The following TENM2 variants were observed in gnomAD, a reference collection of about 807,000 sequenced individuals.
TENM2 encodes teneurin-2.
A neutral mutation model predicts 245.2 loss-of-function variants in TENM2; 52 were observed. The observed-to-expected ratio is 0.21, with a 90% CI of 0.17 to 0.27. The LOEUF (loss-of-function observed/expected upper bound fraction) is 0.27. TENM2 is among the 10% of genes least tolerant of loss of function. The pLI is 1.00. For missense variants in TENM2, 3,046 were observed against 3,666.8 expected (o/e 0.83, Z 4.37); for synonymous variants, 1,363 against 1,438.9 (o/e 0.95, Z 1.19).
chr5:168,079,538 C>T (rs1791790372), intron 7 of TENM2, among the ~76,000 whole-genome samples: 1 of 152,114 alleles, frequency 6.6e-6, no homozygotes. Flanking sequence ...CCAGTTTTTG[C>T]CCATTCAGTA....
At chr5:168,220,067 T>C (rs549345537) in intron 23 of TENM2, among the ~76,000 whole-genome samples, 3 of 152,240 alleles carry the variant, frequency 2.0e-5, no homozygotes, top group African/African-American at 7.2e-5. Flanking sequence ...ATGCTTGAGA[T>C]TTCTGAAGCA....
chr5:167,034,520 C>T, the TENM2 span, among the ~76,000 whole-genome samples: 36,303 of 148,272 alleles, frequency 0.24, 3,151 homozygotes, highest in Non-Finnish European at 0.31. Context: ...GTCCCAGCTA[C>T]TCGGGAGGCT....
chr5:167,492,205 CT>C (rs1361681892), intron 2 of TENM2, among the ~76,000 whole-genome samples: 3 of 152,022 alleles, frequency 2.0e-5, no homozygotes, highest in African/African-American at 7.2e-5. Flanking sequence ...AGAGGTACTT[CT>C]TAATTTATGA....
At chr5:168,235,189 A>C (rs1765316576) in intron 25 of TENM2, among the ~76,000 whole-genome samples, 1 of 152,290 alleles carries the variant, frequency 6.6e-6, no homozygotes, top group Admixed American at 6.5e-5. Flanking sequence ...TCACGTGACT[A>C]ATATTTTATA....
chr5:167,893,277 A>C (rs1224109700), intron 3 of TENM2, among the ~76,000 whole-genome samples: 1 of 152,190 alleles, frequency 6.6e-6, no homozygotes, highest in African/African-American at 2.4e-5. Context: ...TTAAATATGC[A>C]TATTTCCATG....
At chr5:167,866,972 T>A (rs1772376947) in intron 2 of TENM2, among the ~76,000 whole-genome samples, 1 of 152,234 alleles carries the variant, frequency 6.6e-6, no homozygotes, top group African/African-American at 2.4e-5. Context: ...AACACGCCCA[T>A]CATCACAATA....
At chr5:167,363,833 A>T (rs984877834) in intron 1 of TENM2, among the ~76,000 whole-genome samples, 1 of 152,042 alleles carries the variant, frequency 6.6e-6, no homozygotes, top group South Asian at 2.1e-4. Context: ...TTGACCTTTA[A>T]AGTTTTAAAA....
intron 1 of TENM2, among the ~76,000 whole-genome samples, chr5:167,319,587 G>T (rs191470893): frequency 1.3e-5 from 2 of 152,254 alleles, no homozygotes; most frequent in Non-Finnish European, 1.5e-5. Flanking sequence ...TTATTGTACA[G>T]TTGAAAAACA....
At chr5:167,118,785 G>C in the TENM2 span, among the ~76,000 whole-genome samples, 2 of 152,156 alleles carry the variant, frequency 1.3e-5, no homozygotes, top group Non-Finnish European at 2.9e-5. Context: ...AGGGTAGTAC[G>C]GAGTTCTGTG....
chr5:167,985,980 T>A (rs536717703), intron 4 of TENM2, among the ~76,000 whole-genome samples: 1 of 152,236 alleles, frequency 6.6e-6, no homozygotes. Flanking sequence ...ATCATAAGAA[T>A]AAAATAAAAA....
At chr5:167,176,497 A>G in the TENM2 span, among the ~76,000 whole-genome samples, 1 of 152,212 alleles carries the variant, frequency 6.6e-6, no homozygotes, top group Admixed American at 6.5e-5. Flanking sequence ...TGCAATTGTG[A>G]TCTTATTTAT....
At chr5:167,420,290 AT>A (rs776637408) in intron 2 of TENM2, among the ~76,000 whole-genome samples, 17 of 152,218 alleles carry the variant, frequency 1.1e-4, no homozygotes, top group Non-Finnish European at 1.9e-4. Flanking sequence ...TGATTTTTAA[AT>A]GATGTCAAAT....
chr5:168,044,845 A>T (rs1788479270), intron 5 of TENM2, among the ~76,000 whole-genome samples: 1 of 151,930 alleles, frequency 6.6e-6, no homozygotes, highest in Admixed American at 6.6e-5. Context: ...TGGGGTCTTT[A>T]TCCTAAGGAC....
chr5:167,942,683 C>G (rs141560081), intron 3 of TENM2, among the ~76,000 whole-genome samples: 2,458 of 152,224 alleles, frequency 0.016, 33 homozygotes, highest in Non-Finnish European at 0.022. Context: ...GGTTTCTCCT[C>G]TAAGCCTGCT....
the TENM2 span, among the ~76,000 whole-genome samples, chr5:167,129,210 G>A: frequency 6.6e-6 from 1 of 152,180 alleles, no homozygotes; most frequent in African/African-American, 2.4e-5. Flanking sequence ...CTTGGGAAAT[G>A]TGTGTGGCGT....
chr5:167,966,122 T>C (rs542426092), intron 4 of TENM2, among the ~76,000 whole-genome samples: 14 of 152,276 alleles, frequency 9.2e-5, no homozygotes, highest in South Asian at 6.2e-4. Context: ...CTCTGAGGAA[T>C]TGGTGGCAAC....
intron 2 of TENM2, among the ~76,000 whole-genome samples, chr5:167,695,692 G>A (rs1359321715): frequency 6.6e-6 from 1 of 151,104 alleles, no homozygotes; most frequent in Non-Finnish European, 1.5e-5. Flanking sequence ...TCTATCTGTG[G>A]CTACTAAGTG....
chr5:167,683,642 T>A lies in TENM2; in HGVS notation c.503-192344T>A, dbSNP rs1425859550. Among the ~76,000 whole-genome samples the A allele has an allele frequency of 6.6e-5, 10 of 152,264 alleles. No individual in the cohort carries two copies. In the East Asian group the frequency reaches 1.9e-3, roughly 29 times the overall value. On this transcript the variant is annotated intron_variant, in intron 2 of 28. Coordinates refer to ENST00000518659, the Ensembl canonical transcript of TENM2. ...GTTTCTTGAGATAGGGAAAACCATATTTGTCAGACCTGAAATTTATGTTTC... is the reference window on the plus strand; with the variant it reads ...GTTTCTTGAGATAGGGAAAACCATAATTGTCAGACCTGAAATTTATGTTTC...
chr5:167,878,653 C>T (rs1773629264), intron 3 of TENM2, among the ~76,000 whole-genome samples: 1 of 151,636 alleles, frequency 6.6e-6, no homozygotes, highest in Admixed American at 6.6e-5. Flanking sequence ...GGGATTCTAT[C>T]AAGATTTGAA....
Sources: gnomAD v4.1 joint callset for allele counts (sites outside exome capture counted in the v4.1 genomes callset) on GRCh38, gnomAD v4.1.1 for gene constraint, MANE v1.5 for transcripts, NCBI Gene and HGNC (gene_info 2026-07-23, HGNC 2026-07-21) for gene names.